The following MYO18A variants were observed in gnomAD, a reference collection of about 807,000 sequenced individuals.
The protein encoded by MYO18A is myosin XVIIIA, also known as unconventional myosin-XVIIIa.
Under a neutral mutation model 235.8 loss-of-function variants are expected in MYO18A, and 78 were observed. That is an observed-to-expected ratio of 0.33 (90% CI 0.28 to 0.40). The LOEUF (loss-of-function observed/expected upper bound fraction) is 0.40. Among genes scored for constraint, MYO18A ranks in the 10% least tolerant of loss-of-function variants. MYO18A has a pLI of 1.00. For missense variants in MYO18A, 2,215 were observed against 2,699.3 expected (o/e 0.82, Z 3.98); for synonymous variants, 977 against 1,077.8 (o/e 0.91, Z 1.83).
intron 29 of MYO18A, 27 bp from the exon 30 acceptor site, chr17:29,094,877 C>T: frequency 6.2e-7 from 1 of 1,613,954 alleles, no homozygotes; most frequent in Non-Finnish European, 8.5e-7. Flanking sequence ...GAGGCTGGTG[C>T]AGGGCTGACC....
intron 19 of MYO18A, 115 bp from the exon 20 acceptor site, chr17:29,107,304 G>A (rs1036684475): frequency 9.6e-6 from 9 of 940,794 alleles, no homozygotes; most frequent in Admixed American, 2.0e-5. Flanking sequence ...GAAACTGCAG[G>A]GGGTGGGGAG....
chr17:29,151,136 G>A (rs1251824591), intron 2 of MYO18A, among the ~76,000 whole-genome samples: 1 of 152,170 alleles, frequency 6.6e-6, no homozygotes, highest in South Asian at 2.1e-4. Context: ...ACTTGGGAGG[G>A]GGAGGTGGGA....
chr17:29,117,911 A>G lies in MYO18A; in HGVS notation c.2038+134T>C, dbSNP rs2067111118. The G allele has an allele frequency of 3.7e-6, 4 of 1,089,182 alleles. No homozygotes were observed. Among genetic ancestry groups the G allele is most frequent in the Non-Finnish European group, 5.2e-6 (4 of 773,922 alleles). 67.5% of individuals were successfully genotyped at this position (1,089,182 alleles called of 1,614,324 possible). On this transcript the variant is annotated intron_variant, in intron 10 of 41. Coordinates refer to ENST00000527372, the MANE Select transcript of MYO18A (RefSeq NM_078471.4). The surrounding 1 kb of genome is among the most constrained non-coding windows in gnomAD (Gnocchi z 4.6). ...TTCTGCTCTGAAGTGGGGGGCTGAGAAGAGGCACAAGCAAAAGAGGGTTGT... is the reference window on the plus strand; with the variant it reads ...TTCTGCTCTGAAGTGGGGGGCTGAGGAGAGGCACAAGCAAAAGAGGGTTGT...
At chr17:29,171,237 CAA>C (rs571217149) in intron 1 of MYO18A, among the ~76,000 whole-genome samples, 51 of 152,080 alleles carry the variant, frequency 3.4e-4, no homozygotes, top group African/African-American at 1.2e-3. Context: ...ATCATGAGGC[CAA>C]GAGATCGAGA....
intron 2 of MYO18A, among the ~76,000 whole-genome samples, chr17:29,163,259 TG>T (rs777238733): frequency 6.6e-6 from 1 of 152,104 alleles, no homozygotes; most frequent in African/African-American, 2.4e-5. Context: ...AGATACAGGC[TG>T]AGGGTACAGA....
intron 37 of MYO18A, 53 bp from the exon 38 acceptor site, chr17:29,087,174 C>G: frequency 6.4e-7 from 1 of 1,562,376 alleles, no homozygotes; most frequent in Non-Finnish European, 8.7e-7. Context: ...ATCAGCCAGG[C>G]AGAGGGAGGG....
chr17:29,127,792 TGCCTG>T (rs1449798018), intron 2 of MYO18A: 14 of 931,472 alleles, frequency 1.5e-5, no homozygotes, highest in Non-Finnish European at 1.7e-5. Flanking sequence ...GCTGTGAGGG[TGCCTG>T]GCCCTTGAGC....
At position 29,108,619 on chromosome 17, in the gene MYO18A, G is replaced by A. The variant is rs570989230; in HGVS notation, c.3331+1239C>T. 1.9e-3 allele frequency among the ~76,000 whole-genome samples: 282 copies of A among 152,330 alleles called. 2 individuals are homozygous for A. Among genetic ancestry groups the A allele is most frequent in the African/African-American group, 6.4e-3 (267 of 41,568 alleles). On this transcript the variant is annotated intron_variant, in intron 19 of 41. Coordinates refer to ENST00000527372, the MANE Select transcript of MYO18A (RefSeq NM_078471.4). ...CAAGGGCATGCTCCACAGCAATGAC[G>A]GGCTAGCTGGCTCTGGGAAACCCTC...
At chr17:29,142,099 C>T (rs953011884) in intron 2 of MYO18A, among the ~76,000 whole-genome samples, 6 of 152,226 alleles carry the variant, frequency 3.9e-5, no homozygotes, top group Non-Finnish European at 5.9e-5. Context: ...CGCCTGCCAC[C>T]ATGCCCGGCT....
At chr17:29,148,958 G>C (rs887667015) in intron 2 of MYO18A, among the ~76,000 whole-genome samples, 3 of 152,228 alleles carry the variant, frequency 2.0e-5, no homozygotes, top group Admixed American at 2.0e-4. Context: ...CGGGGCCAAG[G>C]GGGTGGGGCC....
At position 29,082,567 on chromosome 17, in the gene MYO18A, A is replaced by T. The variant is rs1314011947; in HGVS notation, c.5898-129T>A. The stretch of plus-strand genomic sequence containing the variant: ...GCAGCATGCACGTCGGTGAGTCGGG[A>T]GGGCGGGAATGAGAGAGGTTAGACA... On this transcript the variant is annotated intron_variant, in intron 40 of 41. Transcript: ENST00000527372. The T allele has an allele frequency of 9.8e-6, 9 of 914,430 alleles. No homozygotes were observed. The East Asian group carries it at 2.4e-4, about 25-fold the overall frequency. 56.6% of individuals were successfully genotyped at this position (914,430 alleles called of 1,614,324 possible). A position where few individuals can be genotyped will look rare whatever the true frequency, so the allele number is the denominator to read the frequency against.
At chr17:29,085,277 A>C (rs183464211) in intron 40 of MYO18A, among the ~76,000 whole-genome samples, 1 of 152,234 alleles carries the variant, frequency 6.6e-6, no homozygotes, top group African/African-American at 2.4e-5. Flanking sequence ...AGGTGGCCAC[A>C]CTTGGTTTTT....
At chr17:29,103,527 G>A in intron 21 of MYO18A, 72 bp downstream of exon 21, 2 of 1,439,322 alleles carry the variant, frequency 1.4e-6, no homozygotes. Flanking sequence ...AAAGAGAACA[G>A]GAGGAGTGGG....
chr17:29,132,546 G>GA, intron 2 of MYO18A, among the ~76,000 whole-genome samples: 1 of 152,246 alleles, frequency 6.6e-6, no homozygotes, highest in South Asian at 2.1e-4. Flanking sequence ...ATTCCTAAGG[G>GA]AAAAAATCTT....
chr17:29,090,375 G>A (rs1195343148), intron 36 of MYO18A, among the ~76,000 whole-genome samples, 157 bp downstream of exon 36: 1 of 152,224 alleles, frequency 6.6e-6, no homozygotes, highest in African/African-American at 2.4e-5. Flanking sequence ...CTGTTATGGT[G>A]ACATGGCTCC....
At chr17:29,153,494 G>A (rs2067999990) in intron 2 of MYO18A, among the ~76,000 whole-genome samples, 1 of 152,208 alleles carries the variant, frequency 6.6e-6, no homozygotes, top group South Asian at 2.1e-4. Context: ...GAGGCACAGA[G>A]GAATTAAATA....
intron 13 of MYO18A, 64 bp downstream of exon 13, chr17:29,115,287 C>A: frequency 6.4e-7 from 1 of 1,573,378 alleles, no homozygotes; most frequent in South Asian, 1.1e-5. Context: ...GCCAACAAGG[C>A]ATGAAGGCAT....
intron 2 of MYO18A, among the ~76,000 whole-genome samples, chr17:29,149,488 C>T (rs2067923890): frequency 6.6e-6 from 1 of 152,126 alleles, no homozygotes; most frequent in Middle Eastern, 3.2e-3. Context: ...CCCCCCAGCC[C>T]CTACACCCAC....
Position 29,111,804 on chromosome 17 carries a change from C to T in MYO18A, c.2658G>A (p.Glu886=). 6.2e-7 allele frequency: 1 copy of T among 1,613,832 alleles called. No individual in the cohort carries two copies. Among genetic ancestry groups the T allele is most frequent in the East Asian group, 2.2e-5 (1 of 44,878 alleles). Residue 886 remains glutamate, a synonymous_variant, in exon 16 of 42, where the codon GAG becomes GAA. Transcript: ENST00000527372. This position sits in a 1 kb window ranked among gnomAD's most constrained non-coding sequence, Gnocchi z 5.1. ...ARGLLWLLEE[E]ALVPGASEDT... ...CCTCACTGGCCCCTGGCACCAGAGC[C>T]TCCTCTTCCAATAGCCAGAGCAGGC... is the stretch of plus-strand genomic sequence containing the variant.
Sources: allele counts gnomAD v4.1 joint callset (sites outside exome capture counted in the v4.1 genomes callset), GRCh38; gene constraint gnomAD v4.1.1; non-coding constraint Gnocchi (gnomAD v3.1); transcripts MANE v1.5; gene names NCBI Gene and HGNC (gene_info 2026-07-23, HGNC 2026-07-21).